The following ZSWIM2 variants were observed in gnomAD, a reference collection of about 807,000 sequenced individuals.
ZSWIM2 encodes zinc finger SWIM-type containing 2.
A neutral mutation model predicts 48.4 loss-of-function variants in ZSWIM2; 38 were observed. That is an observed-to-expected ratio of 0.79 (90% CI 0.61 to 1.03). The LOEUF (loss-of-function observed/expected upper bound fraction) is 1.03, where lower values mean the gene tolerates loss of function less well. Ranked by LOEUF, ZSWIM2 falls within the 50% of genes least tolerant of loss-of-function variation. The probability of loss-of-function intolerance (pLI) is 0.00; values close to 1 mark genes in which losing one functional copy is unlikely to be tolerated. For synonymous variants in ZSWIM2, 240 were observed against 251.3 expected, an observed-to-expected ratio of 0.96 and a Z score of 0.42; for missense variants, 776 against 730.2, an observed-to-expected ratio of 1.06 and a Z score of -0.72.
Position 186,848,960 on chromosome 2 carries a change from A to T in ZSWIM2, c.165+6T>A, listed in dbSNP as rs1327088536. The T allele has an allele frequency of 1.4e-5, 23 of 1,613,878 alleles. No homozygotes were observed. The highest frequency in any genetic ancestry group is 1.9e-5 in the Non-Finnish European group (22 of 1,179,864). ...GCCAACTGGGGGCGGTAGGGGCGGTAGTTACTCGGAAATCCATGTATTCCG... is the reference window on the plus strand; with the variant it reads ...GCCAACTGGGGGCGGTAGGGGCGGTTGTTACTCGGAAATCCATGTATTCCG... On this transcript the variant is annotated splice_donor_region_variant and intron_variant, in intron 1 of 8. Coordinates refer to ENST00000295131, the MANE Select transcript of ZSWIM2 (RefSeq NM_182521.3).
Position 186,834,048 on chromosome 2 carries a change from C to T in ZSWIM2, c.744-18G>A, listed in dbSNP as rs765496222. 3 of 1,567,546 alleles carry T rather than the reference C, an allele frequency of 1.9e-6. No individual in the cohort carries two copies. In the East Asian group the frequency reaches 6.7e-5, roughly 35 times the overall value. On this transcript the variant is annotated intron_variant, in intron 5 of 8. Transcript: ENST00000295131. ...CGGTACACCTAAAAATACAAAACAT[C>T]AAAACACGCAAGAAAAAAAAATCCA...
chr2:186,833,524 T>G (rs1258933002), intron 6 of ZSWIM2, among the ~76,000 whole-genome samples: 1 of 152,140 alleles, frequency 6.6e-6, no homozygotes, highest in East Asian at 1.9e-4. Context: ...AGGAGATACT[T>G]TTTAAGTGTA....
chr2:186,847,741 C>T lies in ZSWIM2; in HGVS notation c.220G>A (p.Glu74Lys), dbSNP rs764394992. The change falls in exon 2 of 9, where the codon GAA (glutamate) becomes AAA (lysine). Residue 74 changes from glutamate to lysine, a missense_variant. Physicochemically the swap from Glu to Lys is moderately conservative, Grantham distance 56. Transcript: ENST00000295131. ...CNCSTFPKGG[E>K]LCKHICWVLL... ...TACCAGCAGATATGCTTACAAAGTT[C>T]CCCTCCTTTCGGAAATGTGGAACAG... 12 of 1,605,018 alleles carry T rather than the reference C, an allele frequency of 7.5e-6. No individual in the cohort carries two copies. Among genetic ancestry groups the T allele is most frequent in the Non-Finnish European group, 9.4e-6 (11 of 1,175,256 alleles).
At position 186,829,607 on chromosome 2, in the gene ZSWIM2, C is replaced by A. The variant is rs998285408; in HGVS notation, c.1095+120G>T. On this transcript the variant is annotated intron_variant, in intron 8 of 8. Coordinates refer to ENST00000295131, the MANE Select transcript of ZSWIM2 (RefSeq NM_182521.3). The stretch of plus-strand genomic sequence containing the variant: ...GGTAGTTCTTTCTATATGTGCTGTG[C>A]AATGTGAACACCTCTGTACAGAGCA... 4 of 915,818 alleles carry A rather than the reference C, an allele frequency of 4.4e-6. No individual in the cohort carries two copies. The African/African-American group carries it at 6.8e-5, about 15-fold the overall frequency. 56.7% of individuals were successfully genotyped at this position (915,818 alleles called of 1,614,324 possible).
At chr2:186,837,208 A>G in intron 5 of ZSWIM2, 98 bp downstream of exon 5, 1 of 1,292,444 alleles carries the variant, frequency 7.7e-7, no homozygotes, top group Non-Finnish European at 1.1e-6. Context: ...TATATGCAGG[A>G]AGAGGGAGGC....
intron 4 of ZSWIM2, 83 bp from the exon 5 acceptor site, chr2:186,837,637 A>ATTATATATG (rs61541415): frequency 5.3e-5 from 23 of 430,766 alleles, no homozygotes; most frequent in African/African-American, 4.4e-4. Context: ...TATTATATAT[A>ATTATATATG]TATTTATATA....
chr2:186,844,750 A>G lies in ZSWIM2; in HGVS notation c.250T>C (p.Leu84=), dbSNP rs1691965871. Residue 84 remains leucine (L), a synonymous_variant, in exon 3 of 9, where the codon TTG becomes CTG. Transcript: ENST00000295131. ...TTCCTTGGAAGCTTGAATTTTTTCAACAAGACCCTAACATTCACAAGTAGA... is the reference window on the plus strand; with the variant it reads ...TTCCTTGGAAGCTTGAATTTTTTCAGCAAGACCCTAACATTCACAAGTAGA... ...ELCKHICWVL[L]KKFKLPRNHE... The G allele has an allele frequency of 2.6e-6, 4 of 1,565,394 alleles. No homozygotes were observed. The highest frequency in any genetic ancestry group is 1.9e-5 in the Admixed American group (1 of 51,292).
At chr2:186,838,597 C>A (rs1320541716) in intron 4 of ZSWIM2, among the ~76,000 whole-genome samples, 2 of 148,954 alleles carry the variant, frequency 1.3e-5, no homozygotes, top group Non-Finnish European at 3.0e-5. Flanking sequence ...AGTTTTTACC[C>A]TTGTAGTGTA....
intron 5 of ZSWIM2, among the ~76,000 whole-genome samples, chr2:186,834,470 G>A (rs1315783175): frequency 1.3e-5 from 2 of 152,104 alleles, no homozygotes; most frequent in African/African-American, 4.8e-5. Flanking sequence ...TGTCAGATCA[G>A]CGGTGGCATC....
chr2:186,841,240 G>T (rs1422067896), intron 3 of ZSWIM2, among the ~76,000 whole-genome samples: 1 of 151,230 alleles, frequency 6.6e-6, no homozygotes, highest in Admixed American at 6.6e-5. Flanking sequence ...CCTTGTATCT[G>T]GTATTTTTCC....
chr2:186,831,794 A>G (rs1691704540), intron 7 of ZSWIM2, among the ~76,000 whole-genome samples: 2 of 151,858 alleles, frequency 1.3e-5, no homozygotes, highest in Admixed American at 1.3e-4. Flanking sequence ...CAAACACCGC[A>G]TGTTCTCACT....
rs1691858131 is a variant in ZSWIM2 at position 186,839,138 on chromosome 2, C to T, written c.315G>A (p.Glu105=). 6.2e-7 allele frequency: 1 copy of T among 1,611,318 alleles called. No homozygotes were observed. Among genetic ancestry groups the T allele is most frequent in the African/African-American group, 1.3e-5 (1 of 74,742 alleles). ...SALQLGLGER[E]ISDLLRGIHR... is the part of the protein sequence containing the mutation. ...GTATCCCCCGAAGCAAGTCACTTAT[C>T]TCTCTTTCTCCAAGACCCAGTTGTA... The change falls in exon 4 of 9, where the codon GAG becomes GAA. Residue 105 remains glutamate (E), a synonymous_variant. Coordinates refer to ENST00000295131, the MANE Select transcript of ZSWIM2 (RefSeq NM_182521.3).
intron 3 of ZSWIM2, 29 bp from the exon 4 acceptor site, chr2:186,839,198 CCA>C (rs1197534271): frequency 8.7e-6 from 14 of 1,602,220 alleles, no homozygotes; most frequent in Non-Finnish European, 1.1e-5. Flanking sequence ...GTATTAAAAT[CCA>C]GTCATAAAAT....
chr2:186,843,136 A>T (rs1490804724), intron 3 of ZSWIM2, among the ~76,000 whole-genome samples: 4 of 151,692 alleles, frequency 2.6e-5, no homozygotes, highest in African/African-American at 9.7e-5. Context: ...TGGCTACTAG[A>T]AAATTACATA....
In ZSWIM2 at chr2:186,838,544, G is replaced by A. The variant is rs375924558; in HGVS notation, c.494+415C>T. 2.2e-4 allele frequency among the ~76,000 whole-genome samples: 33 copies of A among 149,980 alleles called. No individual in the cohort carries two copies. The East Asian group carries it at 5.2e-3, about 24-fold the overall frequency. On this transcript the variant is annotated intron_variant, in intron 4 of 8. Transcript: ENST00000295131. ...AAAACACAGAAATTACTCTACCCTTGTTACTTAAGGTGGGAAGAGGAATAA... is the reference window on the plus strand; with the variant it reads ...AAAACACAGAAATTACTCTACCCTTATTACTTAAGGTGGGAAGAGGAATAA...
intron 2 of ZSWIM2, 28 bp downstream of exon 2, chr2:186,847,691 G>A (rs758219620): frequency 6.5e-7 from 1 of 1,542,920 alleles, no homozygotes; most frequent in East Asian, 2.3e-5. Flanking sequence ...TTCCTTCATG[G>A]AAGATCTTCA....
intron 2 of ZSWIM2, among the ~76,000 whole-genome samples, chr2:186,847,496 A>C (rs1024609382): frequency 6.6e-6 from 1 of 152,164 alleles, no homozygotes; most frequent in South Asian, 2.1e-4. Flanking sequence ...TCTATTTAAA[A>C]GCATTAACAT....
chr2:186,847,892 T>G, intron 1 of ZSWIM2, 97 bp from the exon 2 acceptor site: 1 of 793,356 alleles, frequency 1.3e-6, no homozygotes, highest in Non-Finnish European at 2.0e-6. Flanking sequence ...TAATTTAGTT[T>G]AGGTGATTCA....
At chr2:186,830,686 GTTAGACTATGTTAA>G (rs1691683693) in intron 7 of ZSWIM2, among the ~76,000 whole-genome samples, 1 of 113,976 alleles carries the variant, frequency 8.8e-6, no homozygotes, top group African/African-American at 4.9e-5. Flanking sequence ...CTTCAATACT[GTTAGACTATGTTAA>G]TAGTCTAACT....
Sources: allele counts gnomAD v4.1 joint callset (sites outside exome capture counted in the v4.1 genomes callset), GRCh38; gene constraint gnomAD v4.1.1; transcripts MANE v1.5; gene names NCBI Gene and HGNC (gene_info 2026-07-23, HGNC 2026-07-21).